C10orf90: variants seen among roughly 807,000 people sequenced by gnomAD.
C10orf90 encodes the protein (E2-independent) E3 ubiquitin-conjugating enzyme FATS.
Under a neutral mutation model 62.5 loss-of-function variants are expected in C10orf90, and 56 were observed. The ratio of observed to expected loss-of-function variants is 0.90; its 90% CI spans 0.72 to 1.12. The LOEUF (loss-of-function observed/expected upper bound fraction) is 1.12. Ranked by LOEUF, C10orf90 falls within the 50% of genes most tolerant of loss-of-function variation. The pLI, the probability that C10orf90 is intolerant of heterozygous loss-of-function variation, is 0.00. For synonymous variants in C10orf90, 386 were observed against 340.4 expected, an observed-to-expected ratio of 1.13 and a Z score of -1.47; for missense variants, 970 against 880.4, an observed-to-expected ratio of 1.10 and a Z score of -1.29.
At chr10:126,639,000 C>T (rs950066751) in intron 2 of C10orf90, among the ~76,000 whole-genome samples, 6 of 152,248 alleles carry the variant, frequency 3.9e-5, no homozygotes, top group African/African-American at 1.2e-4. Context: ...AATAACTTTA[C>T]GCTGAGTAAC....
At chr10:126,510,980 T>C (rs958408835) in intron 3 of C10orf90, among the ~76,000 whole-genome samples, 5 of 152,196 alleles carry the variant, frequency 3.3e-5, no homozygotes, top group Admixed American at 6.5e-5. Context: ...TTTTTCCCCA[T>C]TGCTGCTCTG....
chr10:126,598,222 G>GCTGTACTACCCACTCTGTAGTCCC (rs1845124555), intron 2 of C10orf90, among the ~76,000 whole-genome samples: 2 of 152,182 alleles, frequency 1.3e-5, no homozygotes. Context: ...CCATACACAG[G>GCTGTACTACCCACTCTGTAGTCCC]ATGCTGCGCA....
intron 7 of C10orf90, among the ~76,000 whole-genome samples, chr10:126,445,805 G>GTGTA (rs1554886858): frequency 9.9e-6 from 1 of 100,732 alleles, no homozygotes; most frequent in Non-Finnish European, 2.0e-5. Flanking sequence ...AAACTGTGGT[G>GTGTA]TATATATATA....
chr10:126,593,414 T>C (rs576406119), intron 2 of C10orf90, among the ~76,000 whole-genome samples: 1 of 152,206 alleles, frequency 6.6e-6, no homozygotes, highest in Non-Finnish European at 1.5e-5. Flanking sequence ...GAAGCTGTTA[T>C]TCTCAGCAAA....
At chr10:126,507,356 CAA>C (rs1204374185) in intron 3 of C10orf90, among the ~76,000 whole-genome samples, 15 of 69,038 alleles carry the variant, frequency 2.2e-4, no homozygotes, top group African/African-American at 4.8e-4. Flanking sequence ...GACTCCATCT[CAA>C]AAAAAAAAAA....
chr10:126,584,195 TGTCA>T (rs918834931), intron 2 of C10orf90, among the ~76,000 whole-genome samples: 8 of 152,162 alleles, frequency 5.3e-5, no homozygotes, highest in African/African-American at 1.9e-4. Context: ...CGTGTCTGCC[TGTCA>T]ATCTGTCCAT....
At position 126,588,565 on chromosome 10, in the gene C10orf90, G is replaced by A. The variant is rs533562420; in HGVS notation, c.313+58000C>T. Among the ~76,000 whole-genome samples, 3 of 152,310 alleles carry A rather than the reference G, an allele frequency of 2.0e-5. No individual in the cohort carries two copies. In the South Asian group the frequency reaches 6.2e-4, roughly 32 times the overall value. ...GACAGAGGCAACTAGGGTCTGGAGT[G>A]TACCCTCAGCAAACCACAGCAGCCC... On this transcript the variant is annotated intron_variant, in intron 2 of 9. Transcript: ENST00000488181.
intron 2 of C10orf90, among the ~76,000 whole-genome samples, chr10:126,616,108 C>T (rs1018695638): frequency 3.3e-5 from 5 of 152,234 alleles, no homozygotes; most frequent in African/African-American, 7.2e-5. Flanking sequence ...CCCCACCACC[C>T]AAGACCCCAG....
chr10:126,649,082 C>CT (rs1429198203), intron 1 of C10orf90, among the ~76,000 whole-genome samples: 1 of 119,136 alleles, frequency 8.4e-6, no homozygotes, highest in African/African-American at 3.2e-5. Context: ...CCCCCCCCCC[C>CT]AGCAATTCAC....
chr10:126,592,500 T>C (rs1434983532), intron 2 of C10orf90, among the ~76,000 whole-genome samples: 2 of 152,034 alleles, frequency 1.3e-5, no homozygotes, highest in African/African-American at 4.8e-5. Flanking sequence ...GTGCAGAAAA[T>C]TGAAACTGGA....
At chr10:126,644,042 CTG>C (rs1303226600) in intron 2 of C10orf90, among the ~76,000 whole-genome samples, 1 of 152,188 alleles carries the variant, frequency 6.6e-6, no homozygotes, top group Non-Finnish European at 1.5e-5. Context: ...CACCCTTGGC[CTG>C]TTTTAAGCCC....
intron 2 of C10orf90, among the ~76,000 whole-genome samples, chr10:126,640,078 C>T (rs1407677398): frequency 2.0e-5 from 3 of 152,248 alleles, no homozygotes; most frequent in African/African-American, 7.2e-5. Flanking sequence ...CAAATGCATC[C>T]TCTTATGGCC....
intron 2 of C10orf90, among the ~76,000 whole-genome samples, chr10:126,611,467 T>C (rs1564891859): frequency 6.6e-6 from 1 of 152,196 alleles, no homozygotes; most frequent in Non-Finnish European, 1.5e-5. Flanking sequence ...GGAACATTTG[T>C]GTACAAGTTT....
At chr10:126,591,353 C>G (rs896414740) in intron 2 of C10orf90, among the ~76,000 whole-genome samples, 25 of 152,308 alleles carry the variant, frequency 1.6e-4, no homozygotes, top group African/African-American at 5.8e-4. Flanking sequence ...CGACCATAAT[C>G]AAGTTGGCTT....
chr10:126,597,033 T>C (rs549142221), intron 2 of C10orf90, among the ~76,000 whole-genome samples: 2 of 152,328 alleles, frequency 1.3e-5, no homozygotes, highest in African/African-American at 2.4e-5. Flanking sequence ...TGGCTTATAC[T>C]AAAAATGCTG....
intron 7 of C10orf90, among the ~76,000 whole-genome samples, chr10:126,452,754 G>A (rs530320579): frequency 6.6e-6 from 1 of 152,308 alleles, no homozygotes; most frequent in African/African-American, 2.4e-5. Flanking sequence ...GTGTACAAGT[G>A]AATGTCTTTG....
chr10:126,567,758 C>T (rs914187801), intron 2 of C10orf90, among the ~76,000 whole-genome samples: 3 of 152,102 alleles, frequency 2.0e-5, no homozygotes, highest in Non-Finnish European at 4.4e-5. Context: ...AGAGCAAACG[C>T]CAGACTGGAG....
At chr10:126,562,119 C>A (rs1281563232) in intron 2 of C10orf90, among the ~76,000 whole-genome samples, 1 of 152,198 alleles carries the variant, frequency 6.6e-6, no homozygotes, top group African/African-American at 2.4e-5. Flanking sequence ...GCAGGCCCAG[C>A]AGCTTCCTGC....
At chr10:126,436,434 CA>C (rs535519256) in intron 7 of C10orf90, among the ~76,000 whole-genome samples, 44 of 149,530 alleles carry the variant, frequency 2.9e-4, no homozygotes, top group African/African-American at 8.5e-4. Context: ...TTTCTTTTTA[CA>C]AAAAAAAATG....
Sources: gnomAD v4.1 joint callset for allele counts (sites outside exome capture counted in the v4.1 genomes callset) on GRCh38, gnomAD v4.1.1 for gene constraint, MANE v1.5 for transcripts, NCBI Gene and HGNC (gene_info 2026-07-23, HGNC 2026-07-21) for gene names.